Variants in HNF4G observed in about 807,000 individuals in gnomAD.
HNF4G encodes hepatocyte nuclear factor 4 gamma.
Under a neutral mutation model 50.9 loss-of-function variants are expected in HNF4G, and 21 were observed. The ratio of observed to expected loss-of-function variants is 0.41; its 90% CI spans 0.29 to 0.59. The LOEUF (loss-of-function observed/expected upper bound fraction) is 0.59. Among genes scored for constraint, HNF4G ranks in the 20% least tolerant of loss-of-function variants. HNF4G has a pLI of 0.26. For missense variants in HNF4G, 527 were observed against 559.4 expected, an observed-to-expected ratio of 0.94 and a Z score of 0.58; for synonymous variants, 198 against 185.6, an observed-to-expected ratio of 1.07 and a Z score of -0.54.
intron 2 of HNF4G, among the ~76,000 whole-genome samples, chr8:75,526,150 A>G (rs963180874): frequency 6.6e-6 from 1 of 151,392 alleles, no homozygotes; most frequent in African/African-American, 2.4e-5. Flanking sequence ...TTATTTAGAG[A>G]TAGGGCCTCA....
upstream of HNF4G, among the ~76,000 whole-genome samples, chr8:75,535,833 A>T (rs954210359): frequency 6.6e-6 from 1 of 151,924 alleles, no homozygotes; most frequent in Non-Finnish European, 1.5e-5. Flanking sequence ...AAATGACTTA[A>T]TGGTCTTCCA....
At chr8:75,499,729 A>T (rs1812873915) in intron 2 of HNF4G, among the ~76,000 whole-genome samples, 1 of 152,046 alleles carries the variant, frequency 6.6e-6, no homozygotes, top group East Asian at 1.9e-4. Flanking sequence ...AGTGGGGGGA[A>T]AAACTCATAT....
chr8:75,419,027 G>A (rs1355863320), intron 1 of HNF4G, among the ~76,000 whole-genome samples: 1 of 152,132 alleles, frequency 6.6e-6, no homozygotes, highest in African/African-American at 2.4e-5. Flanking sequence ...GCACCTGCCT[G>A]TGATAAGTCT....
intron 1 of HNF4G, among the ~76,000 whole-genome samples, chr8:75,489,447 G>A (rs2130677571): frequency 6.6e-6 from 1 of 152,252 alleles, no homozygotes; most frequent in African/African-American, 2.4e-5. Context: ...AAAAACTGAA[G>A]TCACATAGCA....
upstream of HNF4G, among the ~76,000 whole-genome samples, chr8:75,534,963 T>A (rs1385784870): frequency 1.4e-5 from 2 of 140,224 alleles, no homozygotes; most frequent in Admixed American, 1.4e-4. Flanking sequence ...AAAAATAATA[T>A]CAAAATTAGA....
Position 75,411,831 on chromosome 8 carries a change from A to G in HNF4G, c.-144+3669A>G, listed in dbSNP as rs578005883. ...GGCAACCTATCCTCTTTGAGGTCCA[A>G]TTTCCTCATTTTTGAAATGTTTGCA... is the stretch of plus-strand genomic sequence containing the variant. On this transcript the variant is annotated intron_variant, in intron 1 of 10. Transcript: ENST00000354370. Among the ~76,000 whole-genome samples the G allele has an allele frequency of 9.2e-5, 14 of 152,190 alleles. No individual in the cohort carries two copies. The East Asian group carries it at 2.7e-3, about 29-fold the overall frequency.
At chr8:75,517,448 C>A (rs912973688) in intron 2 of HNF4G, among the ~76,000 whole-genome samples, 6 of 152,202 alleles carry the variant, frequency 3.9e-5, no homozygotes, top group Non-Finnish European at 7.3e-5. Flanking sequence ...AAATTAGTTA[C>A]TTCCAACATA....
At chr8:75,500,858 G>T (rs1776230380) in intron 2 of HNF4G, among the ~76,000 whole-genome samples, 1 of 152,104 alleles carries the variant, frequency 6.6e-6, no homozygotes, top group African/African-American at 2.4e-5. Flanking sequence ...CAGAGGCAAG[G>T]GGAGGGAGGT....
intron 1 of HNF4G, among the ~76,000 whole-genome samples, chr8:75,466,616 C>A (rs1268340077): frequency 8.8e-6 from 1 of 113,410 alleles, no homozygotes; most frequent in Non-Finnish European, 1.9e-5. Context: ...TTCCTTCCTT[C>A]CTTCCTTCCT....
chr8:75,424,723 T>C (rs1810852227), intron 1 of HNF4G, among the ~76,000 whole-genome samples: 1 of 152,200 alleles, frequency 6.6e-6, no homozygotes, highest in South Asian at 2.1e-4. Context: ...ATGATTTCTT[T>C]CTTTTTTAAG....
At chr8:75,457,508 A>G (rs1811749999) in intron 1 of HNF4G, among the ~76,000 whole-genome samples, 2 of 152,168 alleles carry the variant, frequency 1.3e-5, no homozygotes, top group South Asian at 2.1e-4. Flanking sequence ...AGCAAGTAAC[A>G]TGGTATCATA....
chr8:75,437,729 A>G (rs1027256802), intron 1 of HNF4G, among the ~76,000 whole-genome samples: 6 of 152,034 alleles, frequency 3.9e-5, no homozygotes, highest in African/African-American at 1.4e-4. Flanking sequence ...ACTTCCAGAA[A>G]ACAATAAATA....
At chr8:75,536,842 C>A (rs1489193684), upstream of HNF4G, among the ~76,000 whole-genome samples, 1 of 151,514 alleles carries the variant, frequency 6.6e-6, no homozygotes, top group South Asian at 2.1e-4. Context: ...TTTTCTTTCT[C>A]ATCCACCCTC....
chr8:75,465,534 A>C (rs1308934744), intron 1 of HNF4G, among the ~76,000 whole-genome samples: 1 of 152,194 alleles, frequency 6.6e-6, no homozygotes, highest in Non-Finnish European at 1.5e-5. Flanking sequence ...ACCAGAAAGA[A>C]GTTTCAGAGA....
At chr8:75,435,568 T>A (rs1417411790) in intron 1 of HNF4G, among the ~76,000 whole-genome samples, 1 of 152,126 alleles carries the variant, frequency 6.6e-6, no homozygotes, top group Non-Finnish European at 1.5e-5. Context: ...AGCAACAAGT[T>A]ATTAGGCTCT....
intron 1 of HNF4G, among the ~76,000 whole-genome samples, chr8:75,423,829 T>TTC (rs1474200215): frequency 1.5e-4 from 19 of 128,958 alleles, no homozygotes; most frequent in Non-Finnish European, 2.6e-4. Flanking sequence ...TTTTTTTTTT[T>TTC]TTTTTTTTTT....
chr8:75,552,900 A>T, intron 4 of HNF4G, 142 bp from the exon 5 acceptor site: 1 of 531,368 alleles, frequency 1.9e-6, no homozygotes, highest in Non-Finnish European at 3.3e-6. Context: ...TTTCAATTTA[A>T]AATGTTTAGT....
At chr8:75,451,198 T>C (rs1811576984) in intron 1 of HNF4G, among the ~76,000 whole-genome samples, 1 of 152,142 alleles carries the variant, frequency 6.6e-6, no homozygotes, top group South Asian at 2.1e-4. Flanking sequence ...TTTTGTTTTG[T>C]TTTGTTTTTT....
intron 1 of HNF4G, among the ~76,000 whole-genome samples, chr8:75,425,980 T>C (rs1810882974): frequency 6.6e-6 from 1 of 152,228 alleles, no homozygotes; most frequent in Non-Finnish European, 1.5e-5. Context: ...ATAAAATCTA[T>C]TTAAAATATA....
Sources: gnomAD v4.1 joint callset for allele counts (sites outside exome capture counted in the v4.1 genomes callset) on GRCh38, gnomAD v4.1.1 for gene constraint, MANE v1.5 for transcripts, NCBI Gene and HGNC (gene_info 2026-07-23, HGNC 2026-07-21) for gene names.